The following HHAT variants were observed in gnomAD, a reference collection of about 807,000 sequenced individuals.
HHAT encodes protein-cysteine N-palmitoyltransferase HHAT.
Under a neutral mutation model 70.8 loss-of-function variants are expected in HHAT, and 47 were observed. The ratio of observed to expected loss-of-function variants is 0.66; its 90% CI spans 0.53 to 0.85. The LOEUF (loss-of-function observed/expected upper bound fraction) is 0.85, where lower values mean the gene tolerates loss of function less well. Ranked by LOEUF, HHAT falls within the 40% of genes least tolerant of loss-of-function variation. The pLI, the probability that HHAT is intolerant of heterozygous loss-of-function variation, is 0.00. For missense variants in HHAT, 609 were observed against 604.8 expected (o/e 1.01, Z -0.07); for synonymous variants, 228 against 247.6 (o/e 0.92, Z 0.74).
At chr1:210,335,681 G>T (rs1450049502) in intron 1 of HHAT, among the ~76,000 whole-genome samples, 1 of 152,170 alleles carries the variant, frequency 6.6e-6, no homozygotes, top group Non-Finnish European at 1.5e-5. Flanking sequence ...AGAGAAGATG[G>T]TCTTCTCAGT....
At chr1:210,563,344 G>A (rs1051519714) in intron 9 of HHAT, among the ~76,000 whole-genome samples, 1 of 152,164 alleles carries the variant, frequency 6.6e-6, no homozygotes, top group Non-Finnish European at 1.5e-5. Context: ...TAGGGGCCGG[G>A]GATCATAATT....
intron 8 of HHAT, among the ~76,000 whole-genome samples, chr1:210,504,336 G>A (rs1352284413): frequency 6.6e-6 from 1 of 152,200 alleles, no homozygotes; most frequent in Non-Finnish European, 1.5e-5. Context: ...AAAATTTGTA[G>A]AATGTTTTTG....
chr1:210,645,538 A>C (rs1322402390), intron 11 of HHAT, among the ~76,000 whole-genome samples: 2 of 152,218 alleles, frequency 1.3e-5, no homozygotes, highest in African/African-American at 4.8e-5. Flanking sequence ...TATCGCAAGT[A>C]CTGGATAGTA....
chr1:210,427,785 C>T (rs770193895), intron 7 of HHAT, among the ~76,000 whole-genome samples: 11 of 151,828 alleles, frequency 7.2e-5, no homozygotes, highest in African/African-American at 1.2e-4. Context: ...TGTTTTTGGG[C>T]GGAAAGTTCT....
intron 11 of HHAT, among the ~76,000 whole-genome samples, chr1:210,665,538 A>C (rs918926385): frequency 6.6e-6 from 1 of 152,252 alleles, no homozygotes; most frequent in African/African-American, 2.4e-5. Flanking sequence ...TGATGACTGC[A>C]CAGTGGATGA....
chr1:210,442,789 C>A (rs2093551032), intron 7 of HHAT, among the ~76,000 whole-genome samples: 3 of 152,138 alleles, frequency 2.0e-5, no homozygotes, highest in South Asian at 2.1e-4. Context: ...AATTTTCTCC[C>A]ATTTTGTAGG....
chr1:210,613,851 C>T (rs1667096958), intron 10 of HHAT, among the ~76,000 whole-genome samples: 1 of 151,690 alleles, frequency 6.6e-6, no homozygotes. Flanking sequence ...GACTTTGACT[C>T]TACAAAAAAA....
chr1:210,464,025 C>A (rs1186957567), intron 7 of HHAT, among the ~76,000 whole-genome samples: 1 of 152,140 alleles, frequency 6.6e-6, no homozygotes, highest in Admixed American at 6.6e-5. Flanking sequence ...TCTGATACCT[C>A]AAGCGTTTAT....
chr1:210,442,665 G>A (rs183358965), intron 7 of HHAT, among the ~76,000 whole-genome samples: 6 of 152,328 alleles, frequency 3.9e-5, no homozygotes, highest in African/African-American at 9.6e-5. Context: ...AGAAATGTCT[G>A]TTCATGTCCT....
intron 8 of HHAT, among the ~76,000 whole-genome samples, chr1:210,476,124 A>T (rs940449176): frequency 2.0e-5 from 3 of 152,220 alleles, no homozygotes; most frequent in African/African-American, 7.2e-5. Flanking sequence ...TTCCTGTTAG[A>T]CCAAGAAGAA....
At chr1:210,480,378 T>C (rs553544136) in intron 8 of HHAT, among the ~76,000 whole-genome samples, 1 of 152,322 alleles carries the variant, frequency 6.6e-6, no homozygotes, top group South Asian at 2.1e-4. Context: ...GGCGATGACA[T>C]TGAGCAGTAG....
In HHAT at chr1:210,387,465, T is replaced by G. The variant is rs368344563; in HGVS notation, c.160-3T>G. On this transcript the variant is annotated splice_region_variant and splice_polypyrimidine_tract_variant and intron_variant, in intron 3 of 11. Transcript: ENST00000261458. ...CTCTGATAAACTATTTTGTCCTATT[T>G]AGGATGCGACCGACTTTGAGTGGAG... 1.9e-6 allele frequency: 3 copies of G among 1,613,190 alleles called. No homozygotes were observed. The African/African-American group carries it at 4.0e-5, about 22-fold the overall frequency.
At chr1:210,446,955 C>T (rs1472294863) in intron 7 of HHAT, among the ~76,000 whole-genome samples, 1 of 152,146 alleles carries the variant, frequency 6.6e-6, no homozygotes, top group African/African-American at 2.4e-5. Context: ...GTCATGGTGT[C>T]CCCACTGCCT....
chr1:210,569,061 A>C (rs1655469957), intron 9 of HHAT, among the ~76,000 whole-genome samples: 1 of 152,060 alleles, frequency 6.6e-6, no homozygotes. Context: ...GAAACCCCCC[A>C]CACATGAGGT....
chr1:210,521,190 C>T (rs752752574), intron 9 of HHAT, among the ~76,000 whole-genome samples: 3 of 152,136 alleles, frequency 2.0e-5, no homozygotes, highest in Non-Finnish European at 2.9e-5. Context: ...AGTGTGTGCC[C>T]TTTTGAAGCA....
intron 7 of HHAT, among the ~76,000 whole-genome samples, chr1:210,455,505 C>T (rs541674339): frequency 6.6e-6 from 1 of 152,086 alleles, no homozygotes; most frequent in Non-Finnish European, 1.5e-5. Context: ...CCCTGGTCAG[C>T]TTCACACAGG....
chr1:210,455,719 G>A (rs1218264729), intron 7 of HHAT, among the ~76,000 whole-genome samples: 1 of 152,010 alleles, frequency 6.6e-6, no homozygotes, highest in Non-Finnish European at 1.5e-5. Flanking sequence ...AGCAAACACT[G>A]GTTTCTCCAT....
At chr1:210,505,984 A>G (rs17188288) in intron 8 of HHAT, among the ~76,000 whole-genome samples, 12,394 of 152,266 alleles carry the variant, frequency 0.081, 638 homozygotes, top group Non-Finnish European at 0.11. Flanking sequence ...CTGTTAGAGC[A>G]GAACAAGTCC....
At chr1:210,643,897 T>C (rs561015068) in intron 11 of HHAT, among the ~76,000 whole-genome samples, 2 of 151,592 alleles carry the variant, frequency 1.3e-5, no homozygotes, top group East Asian at 3.9e-4. Context: ...AGATGTGATA[T>C]TTTTGAAATT....
Sources: allele counts gnomAD v4.1 joint callset (sites outside exome capture counted in the v4.1 genomes callset), GRCh38; gene constraint gnomAD v4.1.1; transcripts MANE v1.5; gene names NCBI Gene and HGNC (gene_info 2026-07-23, HGNC 2026-07-21).